The following FLRT1 variants were observed in gnomAD, a reference collection of about 807,000 sequenced individuals.
FLRT1 encodes the protein leucine-rich repeat transmembrane protein FLRT1.
In FLRT1, 14 loss-of-function variants were observed where a neutral mutation model predicts 30.9. The observed-to-expected ratio is 0.45, with a 90% CI of 0.30 to 0.71. The LOEUF (loss-of-function observed/expected upper bound fraction) is 0.71. Among genes scored for constraint, FLRT1 ranks in the 30% least tolerant of loss-of-function variants. The pLI, the probability that FLRT1 is intolerant of heterozygous loss-of-function variation, is 0.08. For synonymous variants in FLRT1, 368 were observed against 430.4 expected (o/e 0.85, Z 1.80); for missense variants, 737 against 949.2 (o/e 0.78, Z 2.94).
chr11:64,110,154 A>C (rs1462284160), intron 2 of FLRT1, among the ~76,000 whole-genome samples: 1 of 152,158 alleles, frequency 6.6e-6, no homozygotes. Context: ...CTTGCTCAAA[A>C]TAACACAGCC....
rs1945028832 is a variant in FLRT1, at chr11:64,118,137, A to G, written c.1870A>G (p.Ile624Val). Residue 624 changes from isoleucine (I) to valine (V), a missense_variant, in exon 3 of 3, where the codon ATC (isoleucine) becomes GTC (valine). Coordinates refer to ENST00000682287, the MANE Select transcript of FLRT1 (RefSeq NM_013280.5). ...CGGCCCTGGGCTGCAGATGCTGCCCATCAACCCGTACCGCGCCAAAGAAGA... is the reference window on the plus strand; with the variant it reads ...CGGCCCTGGGCTGCAGATGCTGCCCGTCAACCCGTACCGCGCCAAAGAAGA... ...IRGPGLQMLP[I>V]NPYRAKEEYV... 1 of 1,613,702 alleles carries G rather than the reference A, an allele frequency of 6.2e-7. No individual in the cohort carries two copies. Among genetic ancestry groups the G allele is most frequent in the Non-Finnish European group, 8.5e-7 (1 of 1,179,858 alleles).
chr11:64,080,162 G>A (rs552654215), intron 1 of FLRT1, among the ~76,000 whole-genome samples: 10 of 152,246 alleles, frequency 6.6e-5, no homozygotes, highest in East Asian at 3.9e-4. Flanking sequence ...ACAGGCGTGC[G>A]CCACCATGCC....
chr11:64,090,456 C>T lies in FLRT1; in HGVS notation c.-1037-12738C>T, dbSNP rs1028849761. Among the ~76,000 whole-genome samples the T allele has an allele frequency of 5.3e-5, 8 of 152,310 alleles. No individual in the cohort carries two copies. Among genetic ancestry groups the T allele is most frequent in the South Asian group, 2.1e-4 (1 of 4,826 alleles). On this transcript the variant is annotated intron_variant, in intron 1 of 2. Transcript: ENST00000682287. The surrounding 1 kb of genome is among the most constrained non-coding windows in gnomAD (Gnocchi z 4.7). ...GCAGCAGTGGGTCGATAATAATTTA[C>T]GAGGCAGCCCCTGAGGTGGAGGAGG...
intron 1 of FLRT1, among the ~76,000 whole-genome samples, chr11:64,091,030 G>A (rs931924542): frequency 9.9e-5 from 15 of 151,252 alleles, no homozygotes; most frequent in African/African-American, 3.4e-4. Flanking sequence ...GAGGAGGGAG[G>A]GGAGAAAGAA....
chr11:64,074,737 G>A (rs1456111469), intron 1 of FLRT1, among the ~76,000 whole-genome samples: 2 of 152,184 alleles, frequency 1.3e-5, no homozygotes, highest in African/African-American at 4.8e-5. Flanking sequence ...TGCCCCAGAG[G>A]CCCAGGGGTG....
chr11:64,078,539 T>C (rs1312567225), intron 1 of FLRT1, among the ~76,000 whole-genome samples: 4 of 152,142 alleles, frequency 2.6e-5, no homozygotes, highest in Non-Finnish European at 5.9e-5. Context: ...GGAGGGGAGC[T>C]GTCTGGGTGG....
At position 64,064,709 on chromosome 11, in the gene FLRT1, T is replaced by C. The variant is rs1943964827; in HGVS notation, c.-1038+28550T>C. ...AAGGAGGGGGGCCCTCCCTGAGTTC[T>C]CCTCTCCCCTCCCTGCCAGCCCCCC... is the stretch of plus-strand genomic sequence containing the variant. On this transcript the variant is annotated intron_variant, in intron 1 of 2. Transcript: ENST00000682287. This position sits in a 1 kb window ranked among gnomAD's most constrained non-coding sequence, Gnocchi z 4.5. 6.9e-6 allele frequency among the ~76,000 whole-genome samples: 1 copy of C among 144,504 alleles called. No individual in the cohort carries two copies. Among genetic ancestry groups the C allele is most frequent in the South Asian group, 2.3e-4 (1 of 4,302 alleles). 94.8% of individuals were successfully genotyped at this position (144,504 alleles called of 152,430 possible).
At chr11:64,100,333 G>C (rs1426057272) in intron 1 of FLRT1, among the ~76,000 whole-genome samples, 1 of 152,196 alleles carries the variant, frequency 6.6e-6, no homozygotes, top group Non-Finnish European at 1.5e-5. Flanking sequence ...GTTGTGATGT[G>C]ATTGACGACA....
rs1358035252 is a variant in FLRT1 at position 64,118,636 on chromosome 11, A to G, written c.*344A>G. 4 of 229,768 alleles carry G rather than the reference A, an allele frequency of 1.7e-5. No individual in the cohort carries two copies. The East Asian group carries it at 3.0e-4, about 17-fold the overall frequency. 14.2% of individuals were successfully genotyped at this position (229,768 alleles called of 1,614,324 possible). Reference sequence around the variant, plus strand: ...CCTGAACTGGAAGGATACTACCTGTACAACATCTGTGGACACCTCATGCTC... The same window carrying G: ...CCTGAACTGGAAGGATACTACCTGTGCAACATCTGTGGACACCTCATGCTC... On this transcript the variant is annotated 3_prime_UTR_variant, in exon 3 of 3. Coordinates refer to ENST00000682287, the MANE Select transcript of FLRT1 (RefSeq NM_013280.5).
intron 1 of FLRT1, among the ~76,000 whole-genome samples, chr11:64,040,486 C>G (rs2134385505): frequency 6.6e-6 from 1 of 152,298 alleles, no homozygotes; most frequent in African/African-American, 2.4e-5. Context: ...ATCCCCAGCT[C>G]TCTCAGGATT....
At chr11:64,113,314 A>G (rs975609906) in intron 2 of FLRT1, among the ~76,000 whole-genome samples, 9 of 152,398 alleles carry the variant, frequency 5.9e-5, no homozygotes, top group African/African-American at 1.9e-4. Context: ...TGGCTACAAC[A>G]GGGCCTGGAA....
Position 64,096,856 on chromosome 11 carries a change from T to C in FLRT1, c.-1037-6338T>C, listed in dbSNP as rs2845592. On this transcript the variant is annotated intron_variant, in intron 1 of 2. Coordinates refer to ENST00000682287, the MANE Select transcript of FLRT1 (RefSeq NM_013280.5). This position sits in a 1 kb window ranked among gnomAD's most constrained non-coding sequence, Gnocchi z 4.6. ...CCAAGCACACTGCCAGCTGTGTCCC[T>C]TCGAGGGCCTCCCCCGGCAGAGCTG... Among the ~76,000 whole-genome samples, 131,630 of 152,240 alleles carry C rather than the reference T, an allele frequency of 0.86. 57,722 individuals are homozygous for C. The highest frequency in any genetic ancestry group is 0.94 in the Non-Finnish European group (64,052 of 68,018).
chr11:64,071,357 C>T (rs1052783128), intron 1 of FLRT1, among the ~76,000 whole-genome samples: 1 of 152,170 alleles, frequency 6.6e-6, no homozygotes, highest in Non-Finnish European at 1.5e-5. Context: ...CTGGGCCCAG[C>T]ACAGAGCAGC....
intron 1 of FLRT1, among the ~76,000 whole-genome samples, chr11:64,060,032 G>C (rs1206429038): frequency 1.3e-5 from 2 of 152,240 alleles, no homozygotes; most frequent in African/African-American, 2.4e-5. Context: ...CCACACGGCA[G>C]GGGGGAATGG....
chr11:64,066,580 G>C (rs1944010078), intron 1 of FLRT1, among the ~76,000 whole-genome samples: 1 of 150,728 alleles, frequency 6.6e-6, no homozygotes, highest in African/African-American at 2.4e-5. Context: ...GATCCTACCT[G>C]TGAATAGCCA....
In FLRT1 at chr11:64,096,092, G is replaced by A. The variant is rs1044797327; in HGVS notation, c.-1037-7102G>A. ...GGGACAGCGTGGGGCCCACTTCACAGCCAGGCTGCCAGGAGACGCTGTGAG... is the reference window on the plus strand; with the variant it reads ...GGGACAGCGTGGGGCCCACTTCACAACCAGGCTGCCAGGAGACGCTGTGAG... On this transcript the variant is annotated intron_variant, in intron 1 of 2. Coordinates refer to ENST00000682287, the MANE Select transcript of FLRT1 (RefSeq NM_013280.5). This position sits in a 1 kb window ranked among gnomAD's most constrained non-coding sequence, Gnocchi z 4.6. Among the ~76,000 whole-genome samples, 1 of 152,272 alleles carries A rather than the reference G, an allele frequency of 6.6e-6. No homozygotes were observed. The highest frequency in any genetic ancestry group is 1.5e-5 in the Non-Finnish European group (1 of 68,046).
chr11:64,076,467 C>T (rs529521326), intron 1 of FLRT1, among the ~76,000 whole-genome samples: 2 of 151,940 alleles, frequency 1.3e-5, no homozygotes, highest in South Asian at 4.2e-4. Context: ...GATGGACGGA[C>T]GGACGAATGG....
chr11:64,100,493 G>A, intron 1 of FLRT1, among the ~76,000 whole-genome samples: 1 of 152,198 alleles, frequency 6.6e-6, no homozygotes, highest in East Asian at 1.9e-4. Flanking sequence ...GGCGAGGAGT[G>A]TAACCACTAA....
At chr11:64,065,626 A>G (rs35367131) in intron 1 of FLRT1, among the ~76,000 whole-genome samples, 57,183 of 130,272 alleles carry the variant, frequency 0.44, 12,886 homozygotes, top group Non-Finnish European at 0.59. Context: ...AGTCTCTACT[A>G]AAAAATACAA....
Sources: gnomAD v4.1 joint callset for allele counts (sites outside exome capture counted in the v4.1 genomes callset) on GRCh38, gnomAD v4.1.1 for gene constraint, Gnocchi (gnomAD v3.1) non-coding constraint, MANE v1.5 for transcripts, NCBI Gene and HGNC (gene_info 2026-07-23, HGNC 2026-07-21) for gene names.